Variants in KDM1A observed in about 807,000 individuals in gnomAD.
The protein encoded by KDM1A is lysine-specific histone demethylase 1A.
A neutral mutation model predicts 109.4 loss-of-function variants in KDM1A; 49 were observed. The ratio of observed to expected loss-of-function variants is 0.45; its 90% CI spans 0.36 to 0.57. KDM1A has a LOEUF of 0.57. Among genes scored for constraint, KDM1A ranks in the 20% least tolerant of loss-of-function variants. The probability of loss-of-function intolerance (pLI) is 0.00; values close to 1 mark genes in which losing one functional copy is unlikely to be tolerated. For synonymous variants in KDM1A, 380 were observed against 415.4 expected, an observed-to-expected ratio of 0.91 and a Z score of 1.04; for missense variants, 668 against 1,116.6, an observed-to-expected ratio of 0.60 and a Z score of 5.73.
Position 23,079,239 on chromosome 1 carries a change from T to C in KDM1A, c.2055+62T>C, listed in dbSNP as rs773984685. ...TGTACAAATAGCAGTCTTCGTTGTT[T>C]ACTTGGTGAGGAGGTGGCCTTGCAT... On this transcript the variant is annotated intron_variant, in intron 17 of 20. Transcript: ENST00000400181. The surrounding 1 kb of genome is among the most constrained non-coding windows in gnomAD (Gnocchi z 5.6). 2.1e-5 allele frequency: 32 copies of C among 1,539,480 alleles called. No homozygotes were observed. The highest frequency in any genetic ancestry group is 2.8e-5 in the Non-Finnish European group (32 of 1,131,946).
chr1:23,083,150 G>C (rs1317264076), intron 20 of KDM1A, 29 bp from the exon 21 acceptor site: 1 of 1,593,318 alleles, frequency 6.3e-7, no homozygotes, highest in Non-Finnish European at 8.6e-7. Flanking sequence ...TGTGCAGCCT[G>C]CCAATTTTCT....
chr1:23,077,137 G>A lies in KDM1A; in HGVS notation c.1735-91G>A, dbSNP rs1643489840. On this transcript the variant is annotated intron_variant, in intron 15 of 20. Transcript: ENST00000400181. ...CTTAAAATATTGACTGTTTCCACAA[G>A]CTTGTGTTTTCATTGTTGTTGTACA... 3.2e-6 allele frequency: 4 copies of A among 1,232,518 alleles called. No homozygotes were observed. The African/African-American group carries it at 4.5e-5, about 14-fold the overall frequency. 76.3% of individuals were successfully genotyped at this position (1,232,518 alleles called of 1,614,324 possible).
intron 3 of KDM1A, among the ~76,000 whole-genome samples, chr1:23,047,396 CT>C (rs1279575001): frequency 6.6e-6 from 1 of 152,024 alleles, no homozygotes; most frequent in African/African-American, 2.4e-5. Flanking sequence ...TTCTTAGATG[CT>C]GTTTAGAAGA....
Position 23,082,326 on chromosome 1 carries a change from A to G in KDM1A, c.2405A>G (p.Gln802Arg). ...GGAAATGACTATGATTTAATGGCTC[A>G]GCCAATCACTCCTGGCCCCTCGATT... ...SSGNDYDLMA[Q>R]PITPGPSIPG... Residue 802 changes from glutamine to arginine, a missense_variant, in exon 20 of 21, where the codon CAG becomes CGG. By Grantham distance (43) the Gln-to-Arg change is conservative. Transcript: ENST00000400181. The G allele has an allele frequency of 6.2e-7, 1 of 1,613,942 alleles. No homozygotes were observed. Among genetic ancestry groups the G allele is most frequent in the Non-Finnish European group, 8.5e-7 (1 of 1,179,974 alleles).
chr1:23,031,831 A>G (rs1180465242), intron 2 of KDM1A, among the ~76,000 whole-genome samples: 1 of 152,222 alleles, frequency 6.6e-6, no homozygotes, highest in Non-Finnish European at 1.5e-5. Flanking sequence ...TTCTAAGAAG[A>G]GTGGTTTTCC....
At chr1:23,060,814 G>T (rs1642977672) in intron 9 of KDM1A, among the ~76,000 whole-genome samples, 1 of 152,064 alleles carries the variant, frequency 6.6e-6, no homozygotes, top group Admixed American at 6.6e-5. Context: ...TTGAGAACAG[G>T]GGAAATGACA....
chr1:23,031,446 G>A (rs1053943163), intron 2 of KDM1A, among the ~76,000 whole-genome samples: 1 of 152,080 alleles, frequency 6.6e-6, no homozygotes, highest in Non-Finnish European at 1.5e-5. Flanking sequence ...CACCTCTCTG[G>A]TTCTTTTAGT....
At chr1:23,038,871 A>C (rs141800194) in intron 2 of KDM1A, among the ~76,000 whole-genome samples, 22 of 152,220 alleles carry the variant, frequency 1.4e-4, no homozygotes, top group African/African-American at 5.1e-4. Flanking sequence ...TAACCCAGGG[A>C]TTGCTATTCT....
chr1:23,071,831 A>G (rs565574140), intron 13 of KDM1A, among the ~76,000 whole-genome samples: 50 of 152,304 alleles, frequency 3.3e-4, no homozygotes, highest in Non-Finnish European at 5.9e-4. Context: ...TGCTTATGAA[A>G]TGGTGCTTGC....
At chr1:23,069,288 A>G (rs1456028743) in intron 12 of KDM1A, 137 bp downstream of exon 12, 1 of 554,506 alleles carries the variant, frequency 1.8e-6, no homozygotes, top group African/African-American at 1.9e-5. Flanking sequence ...TCTTAAGAAA[A>G]TAATGACTAA....
Position 23,066,532 on chromosome 1 carries a change from T to C in KDM1A, c.1179+461T>C, listed in dbSNP as rs1338050067. Among the ~76,000 whole-genome samples the C allele has an allele frequency of 3.3e-5, 5 of 152,336 alleles. 1 individual carries two copies. Among genetic ancestry groups the C allele is most frequent in the African/African-American group, 1.2e-4 (5 of 41,570 alleles). On this transcript the variant is annotated intron_variant, in intron 10 of 20. Coordinates refer to ENST00000400181, the MANE Select transcript of KDM1A (RefSeq NM_001009999.3). ...CTGAAGCAAGCCATCCAGTTGACAC[T>C]GGAAGAGCTTTAATCTGTACCATTT...
intron 12 of KDM1A, among the ~76,000 whole-genome samples, chr1:23,070,952 TCC>T (rs1364746848): frequency 6.6e-6 from 1 of 152,222 alleles, no homozygotes; most frequent in Admixed American, 6.5e-5. Context: ...AATGGGACAC[TCC>T]TCATCCTTCT....
At chr1:23,066,177 A>T (rs970844636) in intron 10 of KDM1A, 106 bp downstream of exon 10, 1 of 783,180 alleles carries the variant, frequency 1.3e-6, no homozygotes, top group East Asian at 2.6e-5. Context: ...TCCATCATAC[A>T]TTCACACTGG....
At chr1:23,057,282 C>G (rs1267518444) in intron 7 of KDM1A, among the ~76,000 whole-genome samples, 1 of 152,272 alleles carries the variant, frequency 6.6e-6, no homozygotes, top group African/African-American at 2.4e-5. Context: ...AATTATATGT[C>G]ATTTGTTGCC....
chr1:23,021,918 A>G (rs955506367), intron 1 of KDM1A, among the ~76,000 whole-genome samples: 1 of 152,192 alleles, frequency 6.6e-6, no homozygotes, highest in African/African-American at 2.4e-5. Context: ...TGAACATTTT[A>G]TATAAAATCT....
chr1:23,082,463 C>A, intron 20 of KDM1A, 97 bp downstream of exon 20: 2 of 1,150,952 alleles, frequency 1.7e-6, no homozygotes, highest in South Asian at 1.7e-5. Context: ...TTAGTCATTC[C>A]ATCTTCGGAC....
intron 1 of KDM1A, among the ~76,000 whole-genome samples, chr1:23,023,452 A>G (rs901744324): frequency 2.0e-5 from 3 of 152,146 alleles, no homozygotes; most frequent in African/African-American, 7.2e-5. Flanking sequence ...AGTTTATTGA[A>G]GACTATTCTT....
intron 3 of KDM1A, among the ~76,000 whole-genome samples, chr1:23,044,943 T>C (rs1164079718): frequency 1.3e-5 from 2 of 152,200 alleles, no homozygotes; most frequent in Non-Finnish European, 2.9e-5. Flanking sequence ...TAAAAATGGT[T>C]GTTACAGGGT....
chr1:23,061,840 G>A (rs1239606999), intron 9 of KDM1A, among the ~76,000 whole-genome samples: 4 of 151,962 alleles, frequency 2.6e-5, no homozygotes, highest in Non-Finnish European at 5.9e-5. Context: ...TGTATTTTTA[G>A]TACAGACAGG....
Sources: allele counts gnomAD v4.1 joint callset (sites outside exome capture counted in the v4.1 genomes callset), GRCh38; gene constraint gnomAD v4.1.1; non-coding constraint Gnocchi (gnomAD v3.1); transcripts MANE v1.5; gene names NCBI Gene and HGNC (gene_info 2026-07-23, HGNC 2026-07-21).